DNAJB14: variants seen among roughly 807,000 people sequenced by gnomAD.
The protein encoded by DNAJB14 is dnaJ homolog subfamily B member 14.
Under a neutral mutation model 48.4 loss-of-function variants are expected in DNAJB14, and 22 were observed. That is an observed-to-expected ratio of 0.45 (90% CI 0.32 to 0.65). The LOEUF (loss-of-function observed/expected upper bound fraction) is 0.65. Ranked by LOEUF, DNAJB14 falls within the 30% of genes least tolerant of loss-of-function variation. The pLI is 0.03. For synonymous variants in DNAJB14, 142 were observed against 158.7 expected, an observed-to-expected ratio of 0.89 and a Z score of 0.79; for missense variants, 319 against 458.8, an observed-to-expected ratio of 0.70 and a Z score of 2.78.
intron 3 of DNAJB14, chr4:99,922,484 T>TA (rs1165534970): frequency 6.6e-6 from 1 of 151,842 alleles, no homozygotes; most frequent in African/African-American, 2.4e-5. Context: ...GCAAAAAATT[T>TA]AAAGAATATT....
rs1176298016 is a variant in DNAJB14 at position 99,930,660 on chromosome 4, A to C, written c.134-39T>G. On this transcript the variant is annotated intron_variant, in intron 1 of 7. Transcript: ENST00000442697. ...AAGTACACTATGCCTGTTTACATCA[A>C]CGTACATACACAAGATCCTGAGAAG... 6 of 1,548,640 alleles carry C rather than the reference A, an allele frequency of 3.9e-6. No individual in the cohort carries two copies. The African/African-American group carries it at 5.5e-5, about 14-fold the overall frequency.
intron 4 of DNAJB14, among the ~76,000 whole-genome samples, chr4:99,908,118 T>C (rs927569546): frequency 6.6e-5 from 10 of 152,192 alleles, no homozygotes; most frequent in Non-Finnish European, 1.3e-4. Flanking sequence ...TGGAGTTTGA[T>C]ACTATTTATG....
At chr4:99,903,225 G>A (rs1725353689) in intron 7 of DNAJB14, among the ~76,000 whole-genome samples, 1 of 152,062 alleles carries the variant, frequency 6.6e-6, no homozygotes, top group South Asian at 2.1e-4. Context: ...ACTGAGGCTG[G>A]AAAAGCCTAA....
chr4:99,934,598 A>G (rs1158957448), intron 1 of DNAJB14, among the ~76,000 whole-genome samples: 1 of 151,832 alleles, frequency 6.6e-6, no homozygotes, highest in Non-Finnish European at 1.5e-5. Context: ...GTTCAAGACT[A>G]GCCTGGTCAA....
At chr4:99,922,059 G>A (rs1422006843) in intron 3 of DNAJB14, among the ~76,000 whole-genome samples, 1 of 152,136 alleles carries the variant, frequency 6.6e-6, no homozygotes, top group African/African-American at 2.4e-5. Flanking sequence ...TTACTTTAAG[G>A]AAACAAACTG....
chr4:99,911,355 T>C (rs555916862), intron 3 of DNAJB14, among the ~76,000 whole-genome samples: 21 of 152,288 alleles, frequency 1.4e-4, no homozygotes, highest in Admixed American at 3.9e-4. Flanking sequence ...GCTATATATA[T>C]TCATGTACAG....
chr4:99,933,423 C>T (rs1237517378), intron 1 of DNAJB14, among the ~76,000 whole-genome samples: 1 of 145,438 alleles, frequency 6.9e-6, no homozygotes, highest in Non-Finnish European at 1.5e-5. Flanking sequence ...TCCTGAGTAA[C>T]TGGGACTACA....
At chr4:99,926,663 G>A (rs1309794689) in intron 2 of DNAJB14, 1 of 151,824 alleles carries the variant, frequency 6.6e-6, no homozygotes, top group East Asian at 1.9e-4. Flanking sequence ...AAAGACAGCT[G>A]GATACTGTAG....
chr4:99,916,654 TTC>T (rs1460780577), intron 3 of DNAJB14, among the ~76,000 whole-genome samples: 1 of 152,198 alleles, frequency 6.6e-6, no homozygotes, highest in Non-Finnish European at 1.5e-5. Context: ...CAACAGTGTG[TTC>T]TGAGTATATA....
chr4:99,912,006 G>A (rs780685415), intron 3 of DNAJB14, among the ~76,000 whole-genome samples: 10 of 152,100 alleles, frequency 6.6e-5, no homozygotes, highest in African/African-American at 9.7e-5. Context: ...TGATTGTTAT[G>A]TTTTATATTT....
At chr4:99,945,413 A>C (rs1418861166) in intron 1 of DNAJB14, among the ~76,000 whole-genome samples, 6 of 152,350 alleles carry the variant, frequency 3.9e-5, no homozygotes, top group Non-Finnish European at 7.3e-5. Flanking sequence ...AATTAATTGA[A>C]TCTATCGATA....
At chr4:99,935,726 G>C (rs891722744) in intron 1 of DNAJB14, among the ~76,000 whole-genome samples, 1 of 152,040 alleles carries the variant, frequency 6.6e-6, no homozygotes, top group Non-Finnish European at 1.5e-5. Context: ...TTGGCATCTG[G>C]GGCTGGCAAT....
chr4:99,944,772 T>A (rs1184537798), intron 1 of DNAJB14, among the ~76,000 whole-genome samples: 1 of 152,150 alleles, frequency 6.6e-6, no homozygotes, highest in Non-Finnish European at 1.5e-5. Context: ...AGATGGCGTT[T>A]CATCATGTTG....
Position 99,934,789 on chromosome 4 carries a change from C to CAAAAAAAA in DNAJB14, c.134-4176_134-4169dup, listed in dbSNP as rs1167945149. Among the ~76,000 whole-genome samples the CAAAAAAAA allele has an allele frequency of 8.9e-4, 6 of 6,776 alleles. 1 individual carries two copies. The highest frequency in any genetic ancestry group is 2.5e-3 in the African/African-American group (4 of 1,612). The allele number at this position is 6,776 out of a possible 152,430, so 4.4% of individuals were successfully genotyped here. On this transcript the variant is annotated intron_variant, in intron 1 of 7. Transcript: ENST00000442697. ...CCTGGGTGACAGAGCAAGACTGTCT[C>CAAAAAAAA]AAAAAAAAAAAAAAAAAAAAAAAAA...
intron 1 of DNAJB14, among the ~76,000 whole-genome samples, chr4:99,941,688 A>C (rs1046973589): frequency 6.6e-6 from 1 of 152,136 alleles, no homozygotes; most frequent in Non-Finnish European, 1.5e-5. Flanking sequence ...GGACAGAAAA[A>C]TGTATATTCA....
At chr4:99,912,626 T>G (rs1725705337) in intron 3 of DNAJB14, among the ~76,000 whole-genome samples, 1 of 152,098 alleles carries the variant, frequency 6.6e-6, no homozygotes, top group Admixed American at 6.5e-5. Context: ...ATTACAGGCA[T>G]GCGCCACCAC....
At chr4:99,922,982 G>C (rs577560307) in intron 3 of DNAJB14, 58 bp downstream of exon 3, 1 of 1,499,230 alleles carries the variant, frequency 6.7e-7, no homozygotes, top group Admixed American at 2.2e-5. Flanking sequence ...ATTCTGAAAC[G>C]CCGTAAAGTG....
rs1433031742 is a variant in DNAJB14 at position 99,930,637 on chromosome 4, G to A, written c.134-16C>T. 1 of 1,602,958 alleles carries A rather than the reference G, an allele frequency of 6.2e-7. No individual in the cohort carries two copies. Among genetic ancestry groups the A allele is most frequent in the East Asian group, 2.2e-5 (1 of 44,598 alleles). ...TCCAATAGTGCTGTAGAAAGATAAA[G>A]TACACTATGCCTGTTTACATCAACG... On this transcript the variant is annotated splice_polypyrimidine_tract_variant and intron_variant, in intron 1 of 7. Coordinates refer to ENST00000442697, the MANE Select transcript of DNAJB14 (RefSeq NM_001031723.4).
chr4:99,906,282 C>T, intron 5 of DNAJB14: 3 of 1,095,964 alleles, frequency 2.7e-6, no homozygotes, highest in Non-Finnish European at 3.7e-6. Flanking sequence ...TGCAGGTGTA[C>T]CTTCATTAGA....
Sources: allele counts gnomAD v4.1 joint callset (sites outside exome capture counted in the v4.1 genomes callset), GRCh38; gene constraint gnomAD v4.1.1; transcripts MANE v1.5; gene names NCBI Gene and HGNC (gene_info 2026-07-23, HGNC 2026-07-21).